Variants in UNC80 observed in about 807,000 individuals in gnomAD.
UNC80 encodes protein unc-80 homolog.
Under a neutral mutation model 384.6 loss-of-function variants are expected in UNC80, and 164 were observed. The ratio of observed to expected loss-of-function variants is 0.43; its 90% CI spans 0.38 to 0.49. The LOEUF is 0.49. UNC80 is among the 20% of genes least tolerant of loss of function. UNC80 has a pLI of 0.00. For missense variants in UNC80, 3,330 were observed against 4,143.0 expected (o/e 0.80, Z 5.39); for synonymous variants, 1,486 against 1,527.8 (o/e 0.97, Z 0.64).
Position 209,813,855 on chromosome 2 carries a change from G to A in UNC80, c.1200+14G>A, listed in dbSNP as rs1451155430. 39 of 1,547,318 alleles carry A rather than the reference G, an allele frequency of 2.5e-5. No homozygotes were observed. Among genetic ancestry groups the A allele is most frequent in the African/African-American group, 1.2e-4 (9 of 72,680 alleles). ...CACAAAACCCAAGTAAGAAAAACCC[G>A]GTTCATTGTCATTCAAACCAGCAAC... On this transcript the variant is annotated intron_variant, in intron 8 of 64. Transcript: ENST00000673920.
At chr2:209,801,689 C>CTTTTTTTTTT (rs56931388) in intron 7 of UNC80, among the ~76,000 whole-genome samples, 2 of 115,138 alleles carry the variant, frequency 1.7e-5, no homozygotes, top group Non-Finnish European at 1.7e-5. Flanking sequence ...CCAACCCCTG[C>CTTTTTTTTTT]TTTTTTTTTT....
chr2:209,874,102 A>G (rs959269824), intron 23 of UNC80, among the ~76,000 whole-genome samples: 1 of 152,196 alleles, frequency 6.6e-6, no homozygotes, highest in African/African-American at 2.4e-5. Flanking sequence ...GAGAAGACAC[A>G]GTTTCTCCTA....
At chr2:209,898,066 A>G (rs1241504718) in intron 28 of UNC80, among the ~76,000 whole-genome samples, 1 of 152,018 alleles carries the variant, frequency 6.6e-6, no homozygotes, top group Non-Finnish European at 1.5e-5. Flanking sequence ...ATCTACAGTG[A>G]TTTACATTTA....
At chr2:209,857,081 C>T (rs190158339) in intron 22 of UNC80, among the ~76,000 whole-genome samples, 8 of 152,140 alleles carry the variant, frequency 5.3e-5, no homozygotes, top group Admixed American at 4.6e-4. Flanking sequence ...TAAGCCACCA[C>T]GCCTGGCCTG....
chr2:209,901,415 A>G (rs1231121708), intron 28 of UNC80, among the ~76,000 whole-genome samples: 7 of 152,152 alleles, frequency 4.6e-5, no homozygotes. Flanking sequence ...TTTCCTGAGT[A>G]TGTTAAGTCC....
intron 28 of UNC80, among the ~76,000 whole-genome samples, chr2:209,900,355 T>A (rs1005774370): frequency 6.6e-6 from 1 of 152,208 alleles, no homozygotes; most frequent in Admixed American, 6.5e-5. Context: ...TATTTCAGGC[T>A]TTTTCATGAT....
intron 7 of UNC80, among the ~76,000 whole-genome samples, chr2:209,810,798 A>G (rs758942): frequency 2.6e-5 from 4 of 152,202 alleles, no homozygotes; most frequent in Admixed American, 1.3e-4. Flanking sequence ...ACCACAGCAG[A>G]CTAGTCAAGA....
chr2:209,786,800 G>A (rs2077454219), intron 5 of UNC80, among the ~76,000 whole-genome samples: 1 of 151,800 alleles, frequency 6.6e-6, no homozygotes, highest in Non-Finnish European at 1.5e-5. Context: ...TTCCATTTAT[G>A]TAAAATTGAG....
intron 36 of UNC80, 96 bp downstream of exon 36, chr2:209,927,082 A>G: frequency 7.7e-7 from 1 of 1,293,390 alleles, no homozygotes; most frequent in Non-Finnish European, 1.1e-6. Context: ...TCTACTGGCC[A>G]CATGTTGAAC....
chr2:209,978,109 G>C (rs564058482), intron 58 of UNC80, among the ~76,000 whole-genome samples: 3 of 152,192 alleles, frequency 2.0e-5, no homozygotes, highest in South Asian at 4.1e-4. Context: ...ATTATGCATC[G>C]CGGGGTTCAC....
At chr2:209,792,780 A>G (rs2077902467) in intron 6 of UNC80, among the ~76,000 whole-genome samples, 1 of 152,220 alleles carries the variant, frequency 6.6e-6, no homozygotes, top group Non-Finnish European at 1.5e-5. Context: ...TTAAAATCAG[A>G]TATGTGGCTG....
chr2:209,836,208 G>C (rs553655084), intron 18 of UNC80, among the ~76,000 whole-genome samples: 7 of 152,232 alleles, frequency 4.6e-5, no homozygotes, highest in Non-Finnish European at 1.5e-5. Flanking sequence ...CTTTAAGGTA[G>C]TCTTTAAGTA....
intron 25 of UNC80, among the ~76,000 whole-genome samples, chr2:209,883,335 G>A (rs1391218387): frequency 6.6e-6 from 1 of 151,696 alleles, no homozygotes; most frequent in Non-Finnish European, 1.5e-5. Context: ...CATCTATGGA[G>A]CATCTTCCTT....
chr2:209,981,210 G>T (rs2887870), intron 59 of UNC80, among the ~76,000 whole-genome samples: 69,832 of 152,078 alleles, frequency 0.46, 16,314 homozygotes, highest in East Asian at 0.51. Context: ...AACAACATTA[G>T]CTCATTTAGA....
chr2:209,885,654 C>A (rs2085726405), intron 25 of UNC80, among the ~76,000 whole-genome samples: 1 of 151,494 alleles, frequency 6.6e-6, no homozygotes. Flanking sequence ...CATGTAGTTC[C>A]TATATTTTTC....
At chr2:209,893,805 G>A (rs911338241) in intron 26 of UNC80, among the ~76,000 whole-genome samples, 5 of 152,148 alleles carry the variant, frequency 3.3e-5, no homozygotes, top group African/African-American at 4.8e-5. Flanking sequence ...GTCCCATTTC[G>A]AAAGGAAAGC....
Position 209,849,566 on chromosome 2 carries a change from C to G in UNC80, c.3570C>G (p.Asn1190Lys). The change falls in exon 22 of 65, where the codon AAC (asparagine) becomes AAG (lysine). Residue 1190 changes from asparagine (N) to lysine (K), a missense_variant. This residue lies in a region of UNC80 where 801 missense variants were observed against 950.8 expected (regional missense o/e 0.84). Coordinates refer to ENST00000673920, the MANE Select transcript of UNC80 (RefSeq NM_001371986.1). Reference sequence around the variant, plus strand: ...TGAAACGCTTCCAATTTCTGTTAAACTGCTGTGAGCCAGGGACAATTCCTG... The same window carrying G: ...TGAAACGCTTCCAATTTCTGTTAAAGTGCTGTGAGCCAGGGACAATTCCTG... ...QGMKRFQFLL[N>K]CCEPGTIPDA... 6.4e-7 allele frequency: 1 copy of G among 1,550,984 alleles called. No homozygotes were observed. The highest frequency in any genetic ancestry group is 8.7e-7 in the Non-Finnish European group (1 of 1,146,530).
intron 29 of UNC80, among the ~76,000 whole-genome samples, chr2:209,908,616 G>A (rs780436915): frequency 1.3e-5 from 2 of 152,172 alleles, no homozygotes; most frequent in Non-Finnish European, 2.9e-5. Context: ...AACAAATTGT[G>A]ATACATGCTC....
chr2:209,948,428 G>A (rs1297839511), intron 47 of UNC80, among the ~76,000 whole-genome samples: 1 of 152,076 alleles, frequency 6.6e-6, no homozygotes, highest in Non-Finnish European at 1.5e-5. Context: ...CAAATTAAAA[G>A]GTTTGGAAGC....
Sources: gnomAD v4.1 joint callset for allele counts (sites outside exome capture counted in the v4.1 genomes callset) on GRCh38, gnomAD v4.1.1 for gene constraint, gnomAD v4.1.1 regional missense constraint, MANE v1.5 for transcripts, NCBI Gene and HGNC (gene_info 2026-07-23, HGNC 2026-07-21) for gene names.